HIBADH: variants seen among roughly 807,000 people sequenced by gnomAD.
The protein encoded by HIBADH is 3-hydroxyisobutyrate dehydrogenase, mitochondrial.
HIBADH carries 25 observed loss-of-function variants against 36.1 expected under a neutral mutation model. The ratio of observed to expected loss-of-function variants is 0.69; its 90% CI spans 0.50 to 0.97. The LOEUF is 0.97. HIBADH is among the 50% of genes least tolerant of loss of function. The pLI, the probability that HIBADH is intolerant of heterozygous loss-of-function variation, is 0.00. For missense variants in HIBADH, 421 were observed against 418.0 expected (o/e 1.01, Z -0.06); for synonymous variants, 160 against 149.5 (o/e 1.07, Z -0.51).
At chr7:27,659,829 A>G (rs527829070) in intron 1 of HIBADH, among the ~76,000 whole-genome samples, 1 of 152,352 alleles carries the variant, frequency 6.6e-6, no homozygotes, top group African/African-American at 2.4e-5. Context: ...AGGTCAAGGC[A>G]AGAGGATGGC....
intron 2 of HIBADH, 104 bp from the exon 3 acceptor site, chr7:27,632,549 G>T: frequency 2.0e-6 from 1 of 503,484 alleles, no homozygotes; most frequent in Non-Finnish European, 3.5e-6. Flanking sequence ...CAGTGACAGT[G>T]CATAAAGACT....
chr7:27,624,969 TA>T (rs922398277), intron 4 of HIBADH, among the ~76,000 whole-genome samples: 7 of 152,348 alleles, frequency 4.6e-5, no homozygotes, highest in Non-Finnish European at 5.9e-5. Flanking sequence ...AGAATGCGAA[TA>T]TTTTTTTAAC....
chr7:27,549,940 G>A (rs1385298578), intron 4 of HIBADH, among the ~76,000 whole-genome samples: 15 of 151,976 alleles, frequency 9.9e-5, no homozygotes, highest in African/African-American at 9.7e-5. Flanking sequence ...ATGGAGTCTC[G>A]CTCAGTCGCC....
chr7:27,538,810 G>A (rs1183688436), intron 5 of HIBADH, among the ~76,000 whole-genome samples: 1 of 152,116 alleles, frequency 6.6e-6, no homozygotes, highest in Admixed American at 6.6e-5. Flanking sequence ...ATAAGAGATA[G>A]GAGTTCAGAG....
intron 4 of HIBADH, among the ~76,000 whole-genome samples, chr7:27,601,228 G>A (rs1289766020): frequency 6.6e-6 from 1 of 151,998 alleles, no homozygotes; most frequent in African/African-American, 2.4e-5. Flanking sequence ...TCACACTCTT[G>A]AAGGTCCTCT....
At chr7:27,559,092 G>A in intron 4 of HIBADH, among the ~76,000 whole-genome samples, 1 of 152,166 alleles carries the variant, frequency 6.6e-6, no homozygotes, top group East Asian at 1.9e-4. Flanking sequence ...GTTTGTGGAT[G>A]ACTGTTTTCT....
intron 6 of HIBADH, 49 bp downstream of exon 6, chr7:27,538,292 T>C (rs776417678): frequency 1.1e-5 from 15 of 1,357,228 alleles, no homozygotes; most frequent in Admixed American, 1.8e-5. Context: ...GAAAATCAAA[T>C]AGGAAAGCCT....
chr7:27,555,514 T>C (rs1248182361), intron 4 of HIBADH, among the ~76,000 whole-genome samples: 3 of 151,990 alleles, frequency 2.0e-5, no homozygotes, highest in African/African-American at 7.2e-5. Flanking sequence ...TAATTCTTAC[T>C]ACTGGCCCTC....
intron 4 of HIBADH, among the ~76,000 whole-genome samples, chr7:27,545,300 A>G (rs570850866): frequency 1.3e-5 from 2 of 152,224 alleles, no homozygotes; most frequent in East Asian, 3.9e-4. Flanking sequence ...TTAGCTGGGC[A>G]TGGTGGCATG....
intron 4 of HIBADH, among the ~76,000 whole-genome samples, chr7:27,566,583 A>G (rs2128187482): frequency 6.6e-6 from 1 of 151,506 alleles, no homozygotes; most frequent in South Asian, 2.1e-4. Flanking sequence ...CCTTTATTCT[A>G]TTTGCTTTGG....
intron 4 of HIBADH, among the ~76,000 whole-genome samples, chr7:27,614,806 A>T (rs1266520799): frequency 1.3e-5 from 2 of 152,222 alleles, no homozygotes; most frequent in Non-Finnish European, 2.9e-5. Context: ...TTGATGAAAC[A>T]GCACTAGTCA....
chr7:27,541,758 A>G (rs1036240755), intron 5 of HIBADH: 4 of 429,136 alleles, frequency 9.3e-6, no homozygotes, highest in East Asian at 8.5e-5. Flanking sequence ...GTATTGCACT[A>G]AACATGATAA....
At chr7:27,638,342 G>GA in intron 2 of HIBADH, among the ~76,000 whole-genome samples, 1 of 109,822 alleles carries the variant, frequency 9.1e-6, no homozygotes, top group Admixed American at 9.3e-5. Flanking sequence ...AAGCAATAAG[G>GA]AAAGGACTCC....
chr7:27,554,555 T>C (rs1421888635), intron 4 of HIBADH, among the ~76,000 whole-genome samples: 1 of 152,198 alleles, frequency 6.6e-6, no homozygotes, highest in African/African-American at 2.4e-5. Flanking sequence ...ATTCCCTGTC[T>C]AGTTTGCTTG....
chr7:27,640,995 A>G (rs1166889093), intron 2 of HIBADH, among the ~76,000 whole-genome samples: 1 of 152,154 alleles, frequency 6.6e-6, no homozygotes, highest in East Asian at 1.9e-4. Flanking sequence ...CCAGGGTCAT[A>G]ATATTCTAAA....
rs933851288 is a variant in HIBADH at position 27,577,770 on chromosome 7, C to T, written c.485-34670G>A. ...AGCATCCTTTAAGAATGTAGGTAAG[C>T]CTCCAAAAAAATTTGAGATGTAAAT... On this transcript the variant is annotated intron_variant, in intron 4 of 7. Coordinates refer to ENST00000265395, the MANE Select transcript of HIBADH (RefSeq NM_152740.4). 2.6e-5 allele frequency among the ~76,000 whole-genome samples: 4 copies of T among 152,228 alleles called. 1 individual carries two copies. Among genetic ancestry groups the T allele is most frequent in the African/African-American group, 9.6e-5 (4 of 41,538 alleles).
chr7:27,659,267 T>C (rs1562664014), intron 1 of HIBADH, among the ~76,000 whole-genome samples: 1 of 152,252 alleles, frequency 6.6e-6, no homozygotes, highest in African/African-American at 2.4e-5. Flanking sequence ...GGCCTATAGC[T>C]GTAGATTTTC....
At chr7:27,564,975 T>A (rs889232823) in intron 4 of HIBADH, among the ~76,000 whole-genome samples, 4 of 152,200 alleles carry the variant, frequency 2.6e-5, no homozygotes, top group Non-Finnish European at 4.4e-5. Context: ...TTGCTGATCC[T>A]GGAGAGACTA....
chr7:27,562,984 A>G (rs1293001152), intron 4 of HIBADH, among the ~76,000 whole-genome samples: 3 of 152,222 alleles, frequency 2.0e-5, no homozygotes, highest in Non-Finnish European at 4.4e-5. Context: ...TAGCAAGTAT[A>G]CATTCATTCA....
Sources: allele counts gnomAD v4.1 joint callset (sites outside exome capture counted in the v4.1 genomes callset), GRCh38; gene constraint gnomAD v4.1.1; transcripts MANE v1.5; gene names NCBI Gene and HGNC (gene_info 2026-07-23, HGNC 2026-07-21).